The following ZSCAN5A variants were observed in gnomAD, a reference collection of about 807,000 sequenced individuals.
ZSCAN5A encodes zinc finger and SCAN domain containing 5A.
In ZSCAN5A, 12 loss-of-function variants were observed where a neutral mutation model predicts 23.7. The observed-to-expected ratio is 0.51, with a 90% CI of 0.32 to 0.82. The LOEUF is 0.82. Among genes scored for constraint, ZSCAN5A ranks in the 40% least tolerant of loss-of-function variants. The probability of loss-of-function intolerance (pLI) is 0.03; values close to 1 mark genes in which losing one functional copy is unlikely to be tolerated. For synonymous variants in ZSCAN5A, 257 were observed against 239.9 expected, an observed-to-expected ratio of 1.07 and a Z score of -0.66; for missense variants, 597 against 617.9, an observed-to-expected ratio of 0.97 and a Z score of 0.36.
At chr19:56,232,611 ACT>A (rs1351692175) in intron 2 of ZSCAN5A, among the ~76,000 whole-genome samples, 4 of 151,792 alleles carry the variant, frequency 2.6e-5, no homozygotes, top group African/African-American at 9.7e-5. Flanking sequence ...AACCTGGCTG[ACT>A]CTGCTGTGAT....
At chr19:56,356,264 G>A (rs1020792809) in intron 2 of ZSCAN5A, among the ~76,000 whole-genome samples, 1 of 148,500 alleles carries the variant, frequency 6.7e-6, no homozygotes, top group Non-Finnish European at 1.5e-5. Context: ...TCTGAGCCCC[G>A]AACAAAGAGA....
At chr19:56,225,749 T>C (rs552821394) in intron 2 of ZSCAN5A, among the ~76,000 whole-genome samples, 1 of 152,346 alleles carries the variant, frequency 6.6e-6, no homozygotes, top group South Asian at 2.1e-4. Context: ...CACGATTTTA[T>C]GGGACTAAGA....
At chr19:56,311,580 T>C (rs949681218) in intron 2 of ZSCAN5A, among the ~76,000 whole-genome samples, 3 of 152,150 alleles carry the variant, frequency 2.0e-5, no homozygotes, top group African/African-American at 7.2e-5. Flanking sequence ...GGATGGAAAA[T>C]TCTTTTACCC....
At chr19:56,275,202 T>C (rs908759987) in intron 2 of ZSCAN5A, among the ~76,000 whole-genome samples, 1 of 152,192 alleles carries the variant, frequency 6.6e-6, no homozygotes, top group African/African-American at 2.4e-5. Flanking sequence ...GGGAGAAATT[T>C]TGAGGCTATG....
intron 2 of ZSCAN5A, among the ~76,000 whole-genome samples, chr19:56,331,080 T>C (rs2041484348): frequency 6.6e-6 from 1 of 152,216 alleles, no homozygotes; most frequent in Admixed American, 6.5e-5. Context: ...ACCATTGTTT[T>C]TCTGTTGTTG....
At chr19:56,322,134 G>A in intron 2 of ZSCAN5A, 2 of 766,152 alleles carry the variant, frequency 2.6e-6, no homozygotes, top group South Asian at 2.7e-5. Flanking sequence ...GTCAGTAGCT[G>A]AGCGTCTCTG....
At chr19:56,243,662 G>A (rs1377180543) in intron 2 of ZSCAN5A, among the ~76,000 whole-genome samples, 2 of 152,078 alleles carry the variant, frequency 1.3e-5, no homozygotes, top group Non-Finnish European at 2.9e-5. Flanking sequence ...TGGGAACCAT[G>A]TTGTTCCAAT....
intron 2 of ZSCAN5A, among the ~76,000 whole-genome samples, chr19:56,334,960 G>C (rs2041521273): frequency 6.6e-6 from 1 of 152,146 alleles, no homozygotes; most frequent in Non-Finnish European, 1.5e-5. Context: ...TGAAATGACA[G>C]AAGTAGACTT....
At chr19:56,247,266 C>A in intron 2 of ZSCAN5A, 1 of 358,490 alleles carries the variant, frequency 2.8e-6, no homozygotes, top group South Asian at 3.2e-5. Flanking sequence ...ACAGGATGTT[C>A]TCCTTGAAGT....
intron 2 of ZSCAN5A, among the ~76,000 whole-genome samples, chr19:56,350,997 C>A (rs186701530): frequency 3.9e-5 from 6 of 151,934 alleles, no homozygotes; most frequent in East Asian, 1.9e-4. Context: ...GCTGTCCCCC[C>A]CCAACCACAC....
intron 2 of ZSCAN5A, among the ~76,000 whole-genome samples, chr19:56,235,309 C>G (rs71352856): frequency 4.9e-5 from 1 of 20,498 alleles, no homozygotes; most frequent in African/African-American, 2.1e-4. Flanking sequence ...TCTGATGGAC[C>G]GTGGGCCAAG....
At position 56,293,962 on chromosome 19, in the gene ZSCAN5A, C is replaced by T. The variant is rs374018849; in HGVS notation, c.-128+19321G>A. On this transcript the variant is annotated intron_variant, in intron 2 of 5. Transcript: ENST00000683990. The stretch of plus-strand genomic sequence containing the variant: ...GAGCTCAGCAAGGGTCTGTGAGGAC[C>T]ACCTCATTTACCTTTGTTCTGAACA... Among the ~76,000 whole-genome samples, 25 of 152,312 alleles carry T rather than the reference C, an allele frequency of 1.6e-4. No homozygotes were observed. The East Asian group carries it at 4.2e-3, about 26-fold the overall frequency.
chr19:56,346,912 A>G (rs1437616098), intron 2 of ZSCAN5A, among the ~76,000 whole-genome samples: 1 of 152,066 alleles, frequency 6.6e-6, no homozygotes, highest in Non-Finnish European at 1.5e-5. Flanking sequence ...TATTTTTAGT[A>G]GAGATGGGGT....
At chr19:56,340,983 A>C (rs1402902341) in intron 2 of ZSCAN5A, 1 of 152,202 alleles carries the variant, frequency 6.6e-6, no homozygotes, top group Non-Finnish European at 1.5e-5. Context: ...TGTCTTGTGA[A>C]AGGGAAATAT....
intron 2 of ZSCAN5A, among the ~76,000 whole-genome samples, chr19:56,350,311 C>T (rs1289327532): frequency 1.3e-5 from 2 of 151,906 alleles, no homozygotes; most frequent in Admixed American, 6.6e-5. Context: ...ATTTTATGTA[C>T]GGAAGGATTT....
intron 2 of ZSCAN5A, among the ~76,000 whole-genome samples, chr19:56,305,804 A>T (rs947945309): frequency 1.3e-5 from 2 of 152,182 alleles, no homozygotes; most frequent in African/African-American, 4.8e-5. Flanking sequence ...GATGAAGGAA[A>T]GCCTCTTTAG....
chr19:56,228,137 G>A (rs1008694638), intron 2 of ZSCAN5A: 41 of 795,464 alleles, frequency 5.2e-5, no homozygotes, highest in Non-Finnish European at 5.8e-5. Context: ...AAGGAGACCC[G>A]CTGCCTTCAC....
chr19:56,321,533 G>A, intron 2 of ZSCAN5A: 3 of 737,046 alleles, frequency 4.1e-6, no homozygotes, highest in Admixed American at 1.8e-5. Flanking sequence ...TTCGCTGTCT[G>A]TCTGGGTGTC....
At chr19:56,247,064 G>T (rs1282159656) in intron 2 of ZSCAN5A, 1 of 771,476 alleles carries the variant, frequency 1.3e-6, no homozygotes, top group East Asian at 2.4e-5. Context: ...CCCTTTGCAT[G>T]TGGCGTGTGC....
Sources: allele counts gnomAD v4.1 joint callset (sites outside exome capture counted in the v4.1 genomes callset), GRCh38; gene constraint gnomAD v4.1.1; transcripts MANE v1.5; gene names NCBI Gene and HGNC (gene_info 2026-07-23, HGNC 2026-07-21).